The following GGA1 variants were observed in gnomAD, a reference collection of about 807,000 sequenced individuals.
The protein encoded by GGA1 is ADP-ribosylation factor-binding protein GGA1.
Under a neutral mutation model 76.9 loss-of-function variants are expected in GGA1, and 18 were observed. That is an observed-to-expected ratio of 0.23 (90% CI 0.16 to 0.35). The LOEUF (loss-of-function observed/expected upper bound fraction) is 0.35, where lower values mean the gene tolerates loss of function less well. GGA1 is among the 10% of genes least tolerant of loss of function. GGA1 has a pLI of 1.00. For synonymous variants in GGA1, 342 were observed against 354.7 expected (o/e 0.96, Z 0.40); for missense variants, 755 against 859.0 (o/e 0.88, Z 1.51).
rs1004259728 is a variant in GGA1, at chr22:37,620,292, T to C, written c.358T>C (p.Tyr120His). 1.2e-6 allele frequency: 2 copies of C among 1,613,886 alleles called. No homozygotes were observed. The highest frequency in any genetic ancestry group is 1.7e-6 in the Non-Finnish European group (2 of 1,179,872). Residue 120 changes from tyrosine to histidine, a missense_variant, in exon 5 of 17, where the codon TAC becomes CAC. Transcript: ENST00000343632. ...GAAGAACAAGATCTTGGAGCTCCTC[T>C]ACAGCTGGACAGTGGGCCTGCCCGA... ...KVKNKILELLYSWTVGLPEEV... is the reference protein window; with the variant it reads ...KVKNKILELLHSWTVGLPEEV...
In GGA1 at chr22:37,623,261, G is replaced by C; in HGVS notation, c.610-66G>C. On this transcript the variant is annotated intron_variant, in intron 7 of 16. Transcript: ENST00000343632. The surrounding 1 kb of genome is among the most constrained non-coding windows in gnomAD (Gnocchi z 4.6). ...CAGATCCCAGCACACATTCTCTCAA[G>C]TGGCAGGGGGCAGTGCCTCGTCCAG... The C allele has an allele frequency of 1.4e-6, 2 of 1,449,932 alleles. No individual in the cohort carries two copies. The highest frequency in any genetic ancestry group is 1.9e-6 in the Non-Finnish European group (2 of 1,031,844). The allele number at this position is 1,449,932 out of a possible 1,614,324, so 89.8% of individuals were successfully genotyped here.
At chr22:37,610,375 C>T (rs188287938) in intron 1 of GGA1, 10 of 151,940 alleles carry the variant, frequency 6.6e-5, no homozygotes, top group Non-Finnish European at 1.3e-4. Flanking sequence ...CGGGTTTTCA[C>T]TCTTGTCACC....
chr22:37,622,734 C>T (rs1469613485), intron 7 of GGA1, among the ~76,000 whole-genome samples: 1 of 152,228 alleles, frequency 6.6e-6, no homozygotes, highest in Non-Finnish European at 1.5e-5. Context: ...AATCCCAGCA[C>T]TTTGGAGGCC....
rs978212394 is a variant in GGA1 at position 37,625,124 on chromosome 22, G to A, written c.940+48G>A. ...GGGAGGGCACCCATCAGGCTGGAGG[G>A]GCACAGAGAGTGCAGGGTGGTGTGC... On this transcript the variant is annotated intron_variant, in intron 10 of 16. Coordinates refer to ENST00000343632, the MANE Select transcript of GGA1 (RefSeq NM_013365.5). This position sits in a 1 kb window ranked among gnomAD's most constrained non-coding sequence, Gnocchi z 4.1. 2.0e-6 allele frequency: 3 copies of A among 1,475,484 alleles called. No homozygotes were observed. The highest frequency in any genetic ancestry group is 2.8e-6 in the Non-Finnish European group (3 of 1,078,500). The allele number at this position is 1,475,484 out of a possible 1,614,324, so 91.4% of individuals were successfully genotyped here. A position where few individuals can be genotyped will look rare whatever the true frequency, so the allele number is the denominator to read the frequency against.
At chr22:37,611,239 T>C (rs1308374798) in intron 1 of GGA1, among the ~76,000 whole-genome samples, 1 of 151,672 alleles carries the variant, frequency 6.6e-6, no homozygotes, top group Non-Finnish European at 1.5e-5. Flanking sequence ...GACTAGAGGG[T>C]CTTGTGGAGC....
intron 1 of GGA1, among the ~76,000 whole-genome samples, chr22:37,613,446 G>A (rs1928127389): frequency 6.6e-6 from 1 of 151,738 alleles, no homozygotes; most frequent in Non-Finnish European, 1.5e-5. Context: ...TGTCACCCAG[G>A]CTGGAGGGCA....
chr22:37,630,375 C>T (rs972384555), intron 13 of GGA1: 3 of 534,982 alleles, frequency 5.6e-6, no homozygotes, highest in Admixed American at 3.7e-5. Context: ...GGCCTCCCCC[C>T]AGGTGTTCCC....
Position 37,623,984 on chromosome 22 carries a change from GC to G in GGA1, c.832+356del. The stretch of plus-strand genomic sequence containing the variant: ...AGCCAGGGGAGACGGAGGGCCATCT[GC>G]CCCCAGACCTTCCTCCCTAATGAGG... On this transcript the variant is annotated intron_variant, in intron 9 of 16. Transcript: ENST00000343632. This position sits in a 1 kb window ranked among gnomAD's most constrained non-coding sequence, Gnocchi z 4.6. 3.8e-6 allele frequency: 1 copy of G among 262,018 alleles called. No individual in the cohort carries two copies. Among genetic ancestry groups the G allele is most frequent in the South Asian group, 4.5e-5 (1 of 22,260 alleles). 16.2% of individuals were successfully genotyped at this position (262,018 alleles called of 1,614,324 possible).
chr22:37,609,131 G>C, intron 1 of GGA1: 1 of 1,477,444 alleles, frequency 6.8e-7, no homozygotes, highest in Non-Finnish European at 9.0e-7. Context: ...TCGGATCCCT[G>C]GGCCATGACC....
Position 37,629,535 on chromosome 22 carries a change from G to A in GGA1, c.1158+9G>A. On this transcript the variant is annotated intron_variant, in intron 12 of 16. Transcript: ENST00000343632. ...GATGGAACAGCTTCCAGGTAGGAGG[G>A]GACCACAAACTAGTCTGGCCTGTCC... 6.4e-7 allele frequency: 1 copy of A among 1,558,712 alleles called. No homozygotes were observed. The highest frequency in any genetic ancestry group is 8.7e-7 in the Non-Finnish European group (1 of 1,151,540).
intron 1 of GGA1, 88 bp from the exon 2 acceptor site, chr22:37,614,102 A>G: frequency 1.1e-6 from 1 of 896,666 alleles, no homozygotes; most frequent in South Asian, 1.3e-5. Flanking sequence ...CTCCTCTCCC[A>G]CTCCTGACCA....
intron 3 of GGA1, 198 bp downstream of exon 3, chr22:37,617,195 A>C: frequency 7.0e-7 from 1 of 1,431,490 alleles, no homozygotes; most frequent in Non-Finnish European, 9.1e-7. Context: ...GCATCCATAC[A>C]CGTAGGCCTG....
chr22:37,616,859 C>T (rs547940836), intron 2 of GGA1, 63 bp from the exon 3 acceptor site: 239 of 1,483,986 alleles, frequency 1.6e-4, no homozygotes, highest in African/African-American at 3.6e-4. Flanking sequence ...GGCCTGGGGT[C>T]GTGGCCCTAG....
chr22:37,630,619 T>TAC, intron 13 of GGA1: 1 of 496,722 alleles, frequency 2.0e-6, no homozygotes, highest in Non-Finnish European at 3.5e-6. Flanking sequence ...CAGGCTGGAG[T>TAC]ACAGTGGCAT....
intron 11 of GGA1, chr22:37,627,019 G>A (rs1601549774): frequency 6.6e-6 from 1 of 152,352 alleles, no homozygotes; most frequent in South Asian, 2.1e-4. Flanking sequence ...AAATTAGCTG[G>A]GCGTGGTGGC....
chr22:37,614,139 G>A (rs770958708), intron 1 of GGA1, 51 bp from the exon 2 acceptor site: 12 of 1,234,922 alleles, frequency 9.7e-6, no homozygotes, highest in South Asian at 1.2e-5. Context: ...AGGAGTGGAA[G>A]AGCAGGAATC....
Position 37,620,675 on chromosome 22 carries a change from T to C in GGA1, c.428-138T>C, listed in dbSNP as rs141180779. 629 of 683,084 alleles carry C rather than the reference T, an allele frequency of 9.2e-4. 6 individuals are homozygous for C. In the African/African-American group the frequency reaches 9.6e-3, roughly 10 times the overall value. 42.3% of individuals were successfully genotyped at this position (683,084 alleles called of 1,614,324 possible). On this transcript the variant is annotated intron_variant, in intron 5 of 16. Transcript: ENST00000343632. ...GTAGGTAGGAGTAGGCCCAGGCCAC[T>C]AAGAGTCCAGAGCCAGCGTGCTGGC... is the stretch of plus-strand genomic sequence containing the variant.
intron 4 of GGA1, among the ~76,000 whole-genome samples, chr22:37,619,315 G>A (rs1310388693): frequency 1.3e-5 from 2 of 149,656 alleles, no homozygotes; most frequent in East Asian, 2.0e-4. Flanking sequence ...TCTGCCTGTC[G>A]TGGACTCCCA....
At chr22:37,612,999 G>C in intron 1 of GGA1, 1 of 985,472 alleles carries the variant, frequency 1.0e-6, no homozygotes, top group Non-Finnish European at 1.2e-6. Flanking sequence ...CCTGCCCTCA[G>C]CTGACTGCTC....
Sources: gnomAD v4.1 joint callset for allele counts (sites outside exome capture counted in the v4.1 genomes callset) on GRCh38, gnomAD v4.1.1 for gene constraint, Gnocchi (gnomAD v3.1) non-coding constraint, MANE v1.5 for transcripts, NCBI Gene and HGNC (gene_info 2026-07-23, HGNC 2026-07-21) for gene names.